CCDC141: variants seen among roughly 807,000 people sequenced by gnomAD.
The protein encoded by CCDC141 is coiled-coil domain-containing protein 141.
In CCDC141, 168 loss-of-function variants were observed where a neutral mutation model predicts 181.0. The observed-to-expected ratio is 0.93, with a 90% CI of 0.82 to 1.05. CCDC141 has a LOEUF of 1.05. Ranked by LOEUF, CCDC141 falls within the 50% of genes least tolerant of loss-of-function variation. CCDC141 has a pLI of 0.00. For synonymous variants in CCDC141, 666 were observed against 642.3 expected, an observed-to-expected ratio of 1.04 and a Z score of -0.56; for missense variants, 1,902 against 1,788.5, an observed-to-expected ratio of 1.06 and a Z score of -1.14.
intron 7 of CCDC141, among the ~76,000 whole-genome samples, chr2:178,906,415 CT>C (rs1369960675): frequency 6.6e-6 from 1 of 152,170 alleles, no homozygotes; most frequent in Non-Finnish European, 1.5e-5. Flanking sequence ...CTTTGTAGGT[CT>C]CCTGATATCT....
At chr2:178,971,837 ACAC>A (rs1386730427) in intron 4 of CCDC141, among the ~76,000 whole-genome samples, 1 of 152,106 alleles carries the variant, frequency 6.6e-6, no homozygotes, top group African/African-American at 2.4e-5. Context: ...AGAAAACCAA[ACAC>A]CACATCTTCT....
rs965469264 is a variant in CCDC141 at position 178,834,139 on chromosome 2, A to G, written c.*34T>C. On this transcript the variant is annotated 3_prime_UTR_variant, in exon 24 of 24. Coordinates refer to ENST00000443758, the MANE Select transcript of CCDC141 (RefSeq NM_173648.4). ...AACGGCGGCACTTTTCTTTAGGCAC[A>G]TGAGAATGATGTCCATTGGTGCCAA... The G allele has an allele frequency of 2.8e-5, 42 of 1,526,268 alleles. No individual in the cohort carries two copies. The highest frequency in any genetic ancestry group is 3.4e-5 in the Non-Finnish European group (39 of 1,139,016). The allele number at this position is 1,526,268 out of a possible 1,614,324, so 94.5% of individuals were successfully genotyped here.
the CCDC141 span, among the ~76,000 whole-genome samples, chr2:178,820,230 G>A: frequency 0.045 from 6,838 of 152,128 alleles, 289 homozygotes; most frequent in Admixed American, 0.14. Flanking sequence ...TTTACTCTTC[G>A]TATTTGGCTC....
At chr2:178,815,109 G>C in the CCDC141 span, among the ~76,000 whole-genome samples, 3 of 152,138 alleles carry the variant, frequency 2.0e-5, no homozygotes, top group African/African-American at 4.8e-5. Flanking sequence ...AGGACTGTGA[G>C]AAAATAAATT....
chr2:178,944,876 A>G (rs1243039077), intron 5 of CCDC141, among the ~76,000 whole-genome samples: 1 of 152,194 alleles, frequency 6.6e-6, no homozygotes, highest in African/African-American at 2.4e-5. Context: ...AAAATGACTA[A>G]TCAGTTCAGT....
In CCDC141 at chr2:179,043,530, T is replaced by C. The variant is rs1402423600; in HGVS notation, c.225+3754A>G. ...ATAGGCTTCATTCCCCAGATGCAAA[T>C]CAATAAATGTGATTCATTACATAAA... On this transcript the variant is annotated intron_variant, in intron 2 of 23. Transcript: ENST00000443758. Among the ~76,000 whole-genome samples, 4 of 152,074 alleles carry C rather than the reference T, an allele frequency of 2.6e-5. No individual in the cohort carries two copies. In the East Asian group the frequency reaches 7.7e-4, roughly 29 times the overall value.
chr2:178,853,340 G>A lies in CCDC141; in HGVS notation c.3244+101C>T. Reference sequence around the variant, plus strand: ...TTTTCCCTGAATACACTGGTGTGCTGAGGACCCTGAGGACTTGCCACACTC... The same window carrying A: ...TTTTCCCTGAATACACTGGTGTGCTAAGGACCCTGAGGACTTGCCACACTC... On this transcript the variant is annotated intron_variant, in intron 20 of 23. Transcript: ENST00000443758. 3 of 1,007,560 alleles carry A rather than the reference G, an allele frequency of 3.0e-6. No individual in the cohort carries two copies. The South Asian group carries it at 4.4e-5, about 15-fold the overall frequency. The allele number at this position is 1,007,560 out of a possible 1,614,324, so 62.4% of individuals were successfully genotyped here. A position where few individuals can be genotyped will look rare whatever the true frequency, so the allele number is the denominator to read the frequency against.
At chr2:178,947,032 C>T (rs1392684340) in intron 5 of CCDC141, among the ~76,000 whole-genome samples, 16 of 152,160 alleles carry the variant, frequency 1.1e-4, no homozygotes, top group Non-Finnish European at 1.5e-5. Flanking sequence ...TATTCATACA[C>T]AGGAGCAGAC....
intron 21 of CCDC141, among the ~76,000 whole-genome samples, chr2:178,849,413 C>A (rs1326212882): frequency 6.6e-6 from 1 of 152,224 alleles, no homozygotes; most frequent in Non-Finnish European, 1.5e-5. Flanking sequence ...AATGACCTTG[C>A]TGTTCTCCCC....
At chr2:179,015,406 A>ATATGTATCATATATC in intron 2 of CCDC141, among the ~76,000 whole-genome samples, 3 of 138,060 alleles carry the variant, frequency 2.2e-5, no homozygotes, top group African/African-American at 8.0e-5. Context: ...TATATCTCAT[A>ATATGTATCATATATC]TATGTACCAT....
chr2:178,853,593 G>C lies in CCDC141; in HGVS notation c.3092C>G (p.Thr1031Arg). 6.2e-7 allele frequency: 1 copy of C among 1,613,262 alleles called. No homozygotes were observed. Among genetic ancestry groups the C allele is most frequent in the South Asian group, 1.1e-5 (1 of 90,936 alleles). ...GGAATATTTTCCAACTCTTACAACT[G>C]TGGCACTTGCATCTTCGTACCAAAA... is the stretch of plus-strand genomic sequence containing the variant. ...CHFWYEDASA[T>R]VVRVGKYSTE... The change falls in exon 20 of 24, where the codon ACA becomes AGA. Residue 1031 changes from threonine to arginine, a missense_variant. Thr to Arg is a moderately conservative substitution (Grantham distance 71). Transcript: ENST00000443758.
chr2:178,835,728 A>G (rs937320873), intron 23 of CCDC141: 1 of 152,324 alleles, frequency 6.6e-6, no homozygotes, highest in Admixed American at 6.5e-5. Context: ...TACTGTGTGG[A>G]CAAAAACAAG....
chr2:179,020,567 A>C (rs2042666817), intron 2 of CCDC141, among the ~76,000 whole-genome samples: 1 of 152,188 alleles, frequency 6.6e-6, no homozygotes, highest in South Asian at 2.1e-4. Flanking sequence ...AAGATCATGA[A>C]AATGAGATTT....
intron 7 of CCDC141, among the ~76,000 whole-genome samples, chr2:178,914,132 A>C (rs997204686): frequency 3.9e-5 from 6 of 152,216 alleles, no homozygotes; most frequent in African/African-American, 1.4e-4. Flanking sequence ...CGAAGGATGA[A>C]TATTTTGGAG....
intron 2 of CCDC141, among the ~76,000 whole-genome samples, chr2:179,016,759 TG>T (rs1441395972): frequency 6.6e-6 from 1 of 152,100 alleles, no homozygotes; most frequent in African/African-American, 2.4e-5. Flanking sequence ...TTTTACCTAG[TG>T]GAAAACAAGT....
intron 2 of CCDC141, among the ~76,000 whole-genome samples, chr2:179,025,348 G>A (rs1250404576): frequency 1.3e-5 from 2 of 152,078 alleles, no homozygotes; most frequent in East Asian, 1.9e-4. Flanking sequence ...AACCCAGTGG[G>A]AAGTGACTGA....
At chr2:179,032,594 A>G (rs2154387022) in intron 2 of CCDC141, among the ~76,000 whole-genome samples, 1 of 152,220 alleles carries the variant, frequency 6.6e-6, no homozygotes, top group East Asian at 1.9e-4. Flanking sequence ...ATATGAAAAC[A>G]CTGCTGGTTT....
At chr2:178,964,909 T>A (rs1440799549) in intron 4 of CCDC141, among the ~76,000 whole-genome samples, 1 of 152,212 alleles carries the variant, frequency 6.6e-6, no homozygotes, top group Non-Finnish European at 1.5e-5. Context: ...CGATAAATTT[T>A]CATTAATTGT....
intron 2 of CCDC141, among the ~76,000 whole-genome samples, chr2:179,027,053 G>A (rs1351322731): frequency 6.6e-6 from 1 of 152,214 alleles, no homozygotes; most frequent in African/African-American, 2.4e-5. Context: ...CCCCACCTCA[G>A]ATGAGACGTT....
Sources: allele counts gnomAD v4.1 joint callset (sites outside exome capture counted in the v4.1 genomes callset), GRCh38; gene constraint gnomAD v4.1.1; transcripts MANE v1.5; gene names NCBI Gene and HGNC (gene_info 2026-07-23, HGNC 2026-07-21).